Variants in NLRP7 observed in about 807,000 individuals in gnomAD.
NLRP7 encodes the protein NLR family pyrin domain containing 7, also known as NACHT, LRR and PYD domains-containing protein 7.
NLRP7 carries 72 observed loss-of-function variants against 85.5 expected under a neutral mutation model. The ratio of observed to expected loss-of-function variants is 0.84; its 90% confidence interval spans 0.70 to 1.02. The LOEUF is 1.02. Ranked by LOEUF, NLRP7 falls within the 50% of genes least tolerant of loss-of-function variation. The probability of loss-of-function intolerance (pLI) is 0.00; values close to 1 mark genes in which losing one functional copy is unlikely to be tolerated. For missense variants in NLRP7, 1,243 were observed against 1,219.5 expected (o/e 1.02, Z -0.29); for synonymous variants, 550 against 505.2 (o/e 1.09, Z -1.19).
At chr19:54,957,027 T>C (rs1242595804) in intron 1 of NLRP7, among the ~76,000 whole-genome samples, 3 of 148,258 alleles carry the variant, frequency 2.0e-5, no homozygotes, top group South Asian at 2.1e-4. Context: ...TATTTATTTA[T>C]TTATTTTATT....
chr19:54,961,760 C>T (rs1011821035), intron 1 of NLRP7, among the ~76,000 whole-genome samples: 64 of 150,098 alleles, frequency 4.3e-4, no homozygotes, highest in African/African-American at 1.5e-3. Flanking sequence ...TGCAGTGAGC[C>T]GAGACCACAC....
intron 1 of NLRP7, among the ~76,000 whole-genome samples, chr19:54,942,582 C>CGTGGTGGT (rs1358637477): frequency 6.6e-4 from 13 of 19,716 alleles, no homozygotes; most frequent in Admixed American, 2.5e-3. Flanking sequence ...AAATTACAGG[C>CGTGGTGGT]GGGTGCCTGT....
At chr19:54,946,496 A>AC (rs2069481004) in intron 1 of NLRP7, among the ~76,000 whole-genome samples, 2 of 143,740 alleles carry the variant, frequency 1.4e-5, no homozygotes, top group Non-Finnish European at 3.0e-5. Flanking sequence ...CGCCCAGCCT[A>AC]CTTTTTTTTT....
chr19:54,927,571 A>G, intron 9 of NLRP7, 34 bp downstream of exon 10: 1 of 1,559,778 alleles, frequency 6.4e-7, no homozygotes, highest in African/African-American at 1.6e-5. Context: ...AACAAAAACA[A>G]AAAACAAAAC....
chr19:54,927,852 GAGGCCA>G, intron 9 of NLRP7, 77 bp from the exon 10 acceptor site: 1 of 1,346,050 alleles, frequency 7.4e-7, no homozygotes, highest in Non-Finnish European at 1.1e-6. Flanking sequence ...AACACTTCGG[GAGGCCA>G]AGGCGGGTGG....
chr19:54,933,785 C>G (rs1372842927), intron 7 of NLRP7, 46 bp from the exon 8 acceptor site: 1 of 1,507,450 alleles, frequency 6.6e-7, no homozygotes, highest in South Asian at 1.1e-5. Flanking sequence ...AACATTTCCA[C>G]AACTCCAACC....
intron 7 of NLRP7, among the ~76,000 whole-genome samples, 182 bp from the exon 8 acceptor site, chr19:54,933,921 G>A (rs566740454): frequency 2.0e-5 from 3 of 152,222 alleles, no homozygotes; most frequent in South Asian, 2.1e-4. Flanking sequence ...AAGATGCAGC[G>A]GTCCACCTGG....
intron 8 of NLRP7, among the ~76,000 whole-genome samples, chr19:54,931,451 A>ATTT (rs1234140921): frequency 5.3e-5 from 8 of 152,128 alleles, no homozygotes; most frequent in Non-Finnish European, 8.8e-5. Flanking sequence ...GCACTTTGGG[A>ATTT]GGCTGAGGCA....
intron 1 of NLRP7, among the ~76,000 whole-genome samples, chr19:54,945,617 G>T (rs1353837738): frequency 1.4e-5 from 2 of 147,794 alleles, no homozygotes; most frequent in Non-Finnish European, 3.0e-5. Flanking sequence ...TCTTTTTTTT[G>T]AGATGGAGTC....
intron 8 of NLRP7, among the ~76,000 whole-genome samples, chr19:54,932,610 C>T (rs2146180760): frequency 6.6e-6 from 1 of 152,206 alleles, no homozygotes. Context: ...GGGTCAATTC[C>T]AACCTGCCAC....
At chr19:54,963,011 A>T (rs1471861815) in intron 1 of NLRP7, among the ~76,000 whole-genome samples, 1 of 152,176 alleles carries the variant, frequency 6.6e-6, no homozygotes, top group African/African-American at 2.4e-5. Context: ...AGGTTTTCTA[A>T]ATATGCCTTG....
chr19:54,936,366 G>GTCTTCTTCCCAATGAAAGCAA, exon 6 of NLRP7: 1 of 1,613,984 alleles, frequency 6.2e-7, no homozygotes, highest in Non-Finnish European at 8.5e-7. Flanking sequence ...GTGCGTGAGG[G>GTCTTCTTCCCAATGAAAGCAA]TCTTCTTCCC....
exon 10 of NLRP7, chr19:54,923,596 CAA>C: frequency 1.0e-6 from 1 of 960,936 alleles, no homozygotes; most frequent in East Asian, 2.4e-5. Flanking sequence ...CAGAATCTCC[CAA>C]AAATAGTGAG....
intron 1 of NLRP7, among the ~76,000 whole-genome samples, chr19:54,964,214 T>G (rs1291263242): frequency 1.7e-3 from 53 of 30,834 alleles, no homozygotes; most frequent in African/African-American, 8.3e-3. Flanking sequence ...ATATGGTGTT[T>G]TTTTTTTTTT....
intron 1 of NLRP7, among the ~76,000 whole-genome samples, chr19:54,954,546 A>G (rs2146273653): frequency 6.8e-6 from 1 of 146,734 alleles, no homozygotes; most frequent in South Asian, 2.2e-4. Flanking sequence ...AAAAAAAAAA[A>G]AAAAAAGGGC....
At chr19:54,938,709 G>A (rs1226691556) in intron 4 of NLRP7, among the ~76,000 whole-genome samples, 179 bp downstream of exon 4, 1 of 152,246 alleles carries the variant, frequency 6.6e-6, no homozygotes, top group Non-Finnish European at 1.5e-5. Flanking sequence ...CTGGGGGACA[G>A]AGCGAGACTC....
intron 4 of NLRP7, 72 bp downstream of exon 4, chr19:54,938,816 A>G: frequency 6.5e-7 from 1 of 1,527,968 alleles, no homozygotes; most frequent in Non-Finnish European, 9.0e-7. Context: ...GGAAATTCTG[A>G]CAGTAAGCGA....
At chr19:54,951,499 G>A (rs950563589), upstream of NLRP7, among the ~76,000 whole-genome samples, 2 of 152,168 alleles carry the variant, frequency 1.3e-5, no homozygotes, top group South Asian at 2.1e-4. Context: ...GCAGTGAGCC[G>A]AGGTCGCACG....
At chr19:54,927,046 C>T (rs893639894) in intron 9 of NLRP7, among the ~76,000 whole-genome samples, 31 of 151,950 alleles carry the variant, frequency 2.0e-4, no homozygotes, top group Admixed American at 1.3e-3. Context: ...GTCAAGATCG[C>T]GCCACTGCAC....
Sources: allele counts gnomAD v4.1 joint callset (sites outside exome capture counted in the v4.1 genomes callset), GRCh38; gene constraint gnomAD v4.1.1; transcripts MANE v1.5; gene names NCBI Gene and HGNC (gene_info 2026-07-23, HGNC 2026-07-21).